The following TNKS2 variants were observed in gnomAD, a reference collection of about 807,000 sequenced individuals.
TNKS2 encodes the protein poly [ADP-ribose] polymerase tankyrase-2.
Under a neutral mutation model 137.6 loss-of-function variants are expected in TNKS2, and 72 were observed. The observed-to-expected ratio is 0.52, with a 90% confidence interval of 0.43 to 0.64. The LOEUF is 0.64. Among genes scored for constraint, TNKS2 ranks in the 30% least tolerant of loss-of-function variants. TNKS2 has a pLI of 0.00. For synonymous variants in TNKS2, 516 were observed against 512.1 expected (o/e 1.01, Z -0.10); for missense variants, 1,049 against 1,410.2 (o/e 0.74, Z 4.10).
intron 6 of TNKS2, 55 bp from the exon 7 acceptor site, chr10:91,822,241 C>T (rs1308911868): frequency 1.2e-5 from 16 of 1,363,704 alleles, no homozygotes; most frequent in African/African-American, 1.0e-4. Flanking sequence ...TATAAATTTC[C>T]CTAGGCCTAA....
Position 91,851,160 on chromosome 10 carries a change from T to C in TNKS2, c.2695-56T>C, listed in dbSNP as rs916666771. 2.8e-5 allele frequency: 44 copies of C among 1,593,714 alleles called. No individual in the cohort carries two copies. In the Middle Eastern group the frequency reaches 1.3e-3, roughly 48 times the overall value. ...CTTACATATTATGAAAACACCAATA[T>C]ATGAATGTCCACCAAATAAGTAAGC... On this transcript the variant is annotated intron_variant, in intron 20 of 26. Transcript: ENST00000371627.
At chr10:91,802,654 T>G (rs1394454099) in intron 1 of TNKS2, among the ~76,000 whole-genome samples, 1 of 152,238 alleles carries the variant, frequency 6.6e-6, no homozygotes, top group Admixed American at 6.5e-5. Flanking sequence ...GTGATTGCCA[T>G]TCATATCTTT....
At chr10:91,848,304 T>G (rs1457334882) in intron 18 of TNKS2, 79 bp from the exon 19 acceptor site, 6 of 1,437,594 alleles carry the variant, frequency 4.2e-6, no homozygotes, top group Non-Finnish European at 5.5e-6. Context: ...TTTTCTCATA[T>G]TTTTAAATAT....
intron 3 of TNKS2, among the ~76,000 whole-genome samples, chr10:91,818,348 T>C (rs1844777427): frequency 6.6e-6 from 1 of 152,182 alleles, no homozygotes; most frequent in Non-Finnish European, 1.5e-5. Context: ...TTAATCCTTT[T>C]TTATATTTGT....
At chr10:91,804,575 C>T (rs1391980345) in intron 1 of TNKS2, among the ~76,000 whole-genome samples, 1 of 152,198 alleles carries the variant, frequency 6.6e-6, no homozygotes, top group Non-Finnish European at 1.5e-5. Context: ...TTTACATTGA[C>T]TCTGATGATA....
intron 1 of TNKS2, among the ~76,000 whole-genome samples, chr10:91,806,042 CTTT>C (rs34004456): frequency 0.46 from 60,401 of 130,168 alleles, 12,411 homozygotes; most frequent in East Asian, 0.67. Context: ...CATTCTTTCT[CTTT>C]TTTTTTTTTT....
chr10:91,862,414 CTATT>C (rs1305515771), intron 26 of TNKS2, among the ~76,000 whole-genome samples: 2 of 151,950 alleles, frequency 1.3e-5, no homozygotes, highest in African/African-American at 4.8e-5. Flanking sequence ...GTGTGTGTAC[CTATT>C]TTTTTGTGAA....
At chr10:91,799,997 T>G (rs1844109588) in intron 1 of TNKS2, among the ~76,000 whole-genome samples, 1 of 151,190 alleles carries the variant, frequency 6.6e-6, no homozygotes, top group South Asian at 2.1e-4. Context: ...CTTTTACACT[T>G]TCTACCAATT....
intron 2 of TNKS2, among the ~76,000 whole-genome samples, chr10:91,813,942 G>T (rs1411020641): frequency 6.6e-6 from 1 of 151,956 alleles, no homozygotes; most frequent in Admixed American, 6.6e-5. Flanking sequence ...ATAAAATTAT[G>T]TACACTACAT....
Position 91,859,554 on chromosome 10 carries a change from G to C in TNKS2, c.3187G>C (p.Glu1063Gln). Residue 1063 changes from glutamate to glutamine, a missense_variant, in exon 25 of 27, where the codon GAA (glutamate) becomes CAA (glutamine). By Grantham distance (29) the Glu-to-Gln change is conservative. Coordinates refer to ENST00000371627, the MANE Select transcript of TNKS2 (RefSeq NM_025235.4). Reference sequence around the variant, plus strand: ...GTTTGGAGCTGGCATTTATTTTGCTGAAAACTCTTCCAAAAGCAATCAATA... The same window carrying C: ...GTTTGGAGCTGGCATTTATTTTGCTCAAAACTCTTCCAAAAGCAATCAATA... ...GMFGAGIYFAENSSKSNQYVY... is the reference protein window; with the variant it reads ...GMFGAGIYFAQNSSKSNQYVY... 1 of 1,614,014 alleles carries C rather than the reference G, an allele frequency of 6.2e-7. No homozygotes were observed. Among genetic ancestry groups the C allele is most frequent in the Non-Finnish European group, 8.5e-7 (1 of 1,179,952 alleles).
chr10:91,852,564 A>C (rs1322878899), intron 21 of TNKS2, among the ~76,000 whole-genome samples: 1 of 151,568 alleles, frequency 6.6e-6, no homozygotes, highest in Non-Finnish European at 1.5e-5. Flanking sequence ...CGTCTCAAAA[A>C]ATAAAAATAA....
chr10:91,845,010 TA>T lies in TNKS2; in HGVS notation c.2153del (p.Asn718MetfsTer8), dbSNP rs765910502. 6.2e-7 allele frequency: 1 copy of T among 1,611,574 alleles called. No homozygotes were observed. The highest frequency in any genetic ancestry group is 8.5e-7 in the Non-Finnish European group (1 of 1,178,336). On this transcript the variant is annotated frameshift_variant, in exon 17 of 27. Transcript: ENST00000371627. LOFTEE classifies it high-confidence loss of function. ...ACAAAGGAGGACTTATTCCTTTACA[TA>T]ATGCAGCATCTTACGGGGTAAGTTC... ...QDKGGLIPLH[N>X]AASYGHVDVA... is the part of the protein sequence containing the mutation.
intron 5 of TNKS2, 55 bp from the exon 6 acceptor site, chr10:91,819,884 A>G (rs554507749): frequency 7.3e-7 from 1 of 1,370,456 alleles, no homozygotes; most frequent in African/African-American, 1.5e-5. Context: ...TCCCTCTCAC[A>G]CATTTTATTC....
At position 91,812,736 on chromosome 10, in the gene TNKS2, G is replaced by A; in HGVS notation, c.200-247G>A. 1.0e-6 allele frequency: 1 copy of A among 983,154 alleles called. No homozygotes were observed. The highest frequency in any genetic ancestry group is 1.2e-6 in the Non-Finnish European group (1 of 827,864). The allele number at this position is 983,154 out of a possible 1,614,324, so 60.9% of individuals were successfully genotyped here. On this transcript the variant is annotated intron_variant, in intron 1 of 26. Coordinates refer to ENST00000371627, the MANE Select transcript of TNKS2 (RefSeq NM_025235.4). ...CACTTATTTTGTATTCTTTCTTTGA[G>A]GTTAGCAGTAGTAGTACCACCCAAG...
intron 12 of TNKS2, among the ~76,000 whole-genome samples, chr10:91,836,096 G>A (rs12220444): frequency 0.32 from 44,664 of 138,562 alleles, 7,658 homozygotes; most frequent in South Asian, 0.53. Flanking sequence ...AGGCTAGGGT[G>A]CAATGGCGTT....
chr10:91,819,236 A>G, intron 3 of TNKS2, 34 bp from the exon 4 acceptor site: 1 of 1,272,248 alleles, frequency 7.9e-7, no homozygotes, highest in Non-Finnish European at 1.0e-6. Context: ...TTTTCTTTTT[A>G]ATTTCTATAC....
intron 21 of TNKS2, among the ~76,000 whole-genome samples, chr10:91,851,633 G>C (rs1276786075): frequency 1.3e-5 from 2 of 152,090 alleles, no homozygotes; most frequent in Admixed American, 1.3e-4. Context: ...AGTTATTCTA[G>C]CTCTTAAATT....
At chr10:91,820,360 A>T (rs1003210085) in intron 6 of TNKS2, among the ~76,000 whole-genome samples, 9 of 152,190 alleles carry the variant, frequency 5.9e-5, no homozygotes, top group African/African-American at 2.2e-4. Flanking sequence ...GTGGTTGGGA[A>T]ATCCCTCAGA....
At chr10:91,861,938 C>T (rs1399787832) in intron 25 of TNKS2, 61 bp from the exon 26 acceptor site, 1 of 1,459,146 alleles carries the variant, frequency 6.9e-7, no homozygotes, top group Non-Finnish European at 9.3e-7. Context: ...CGTGTCCACA[C>T]ATTGTCATAT....
Sources: allele counts gnomAD v4.1 joint callset (sites outside exome capture counted in the v4.1 genomes callset), GRCh38; gene constraint gnomAD v4.1.1; transcripts MANE v1.5; gene names NCBI Gene and HGNC (gene_info 2026-07-23, HGNC 2026-07-21).